SORCS3: variants seen among roughly 807,000 people sequenced by gnomAD.
The protein encoded by SORCS3 is sortilin related VPS10 domain containing receptor 3, also known as VPS10 domain-containing receptor SorCS3.
A neutral mutation model predicts 146.3 loss-of-function variants in SORCS3; 57 were observed. The observed-to-expected ratio is 0.39, with a 90% CI of 0.31 to 0.49. The LOEUF is 0.49. Ranked by LOEUF, SORCS3 falls within the 20% of genes least tolerant of loss-of-function variation. SORCS3 has a pLI of 0.92. For missense variants in SORCS3, 1,341 were observed against 1,575.5 expected (o/e 0.85, Z 2.52); for synonymous variants, 653 against 618.5 (o/e 1.06, Z -0.83).
intron 1 of SORCS3, among the ~76,000 whole-genome samples, chr10:104,754,761 C>T (rs955137134): frequency 6.6e-6 from 1 of 152,128 alleles, no homozygotes; most frequent in Admixed American, 6.5e-5. Flanking sequence ...GAAATCAGTC[C>T]CTGCTGGGGC....
intron 18 of SORCS3, 74 bp from the exon 19 acceptor site, chr10:105,216,862 G>C: frequency 6.8e-7 from 1 of 1,464,706 alleles, no homozygotes; most frequent in Non-Finnish European, 9.5e-7. Context: ...TGATGCTGAA[G>C]CAACAGGAGG....
intron 7 of SORCS3, among the ~76,000 whole-genome samples, chr10:105,107,709 CAA>C (rs975023568): frequency 6.6e-6 from 1 of 152,112 alleles, no homozygotes. Context: ...GTGAACACAA[CAA>C]AGTTTCTGCC....
At chr10:104,890,821 G>C (rs546148800) in intron 2 of SORCS3, among the ~76,000 whole-genome samples, 1 of 152,108 alleles carries the variant, frequency 6.6e-6, no homozygotes, top group Non-Finnish European at 1.5e-5. Flanking sequence ...CTTCAGTCAC[G>C]ACAATTAAAC....
intron 1 of SORCS3, among the ~76,000 whole-genome samples, chr10:104,742,825 A>G (rs2016864595): frequency 6.6e-6 from 1 of 152,168 alleles, no homozygotes; most frequent in African/African-American, 2.4e-5. Flanking sequence ...TCCATGTTCC[A>G]TTGGTTGGAA....
chr10:104,886,321 T>G (rs11599678), intron 2 of SORCS3, among the ~76,000 whole-genome samples: 1 of 151,866 alleles, frequency 6.6e-6, no homozygotes, highest in Non-Finnish European at 1.5e-5. Flanking sequence ...CTCTTATTTA[T>G]GTGGTGTTTC....
chr10:104,853,867 C>T (rs2018300625), intron 2 of SORCS3, among the ~76,000 whole-genome samples: 1 of 152,168 alleles, frequency 6.6e-6, no homozygotes. Flanking sequence ...AAGAGGCCAT[C>T]AGTTATTATG....
At chr10:104,678,334 C>T (rs772530373) in intron 1 of SORCS3, among the ~76,000 whole-genome samples, 6 of 152,056 alleles carry the variant, frequency 3.9e-5, no homozygotes, top group Non-Finnish European at 8.8e-5. Flanking sequence ...TAAGTGCGTT[C>T]CTATGTGTAA....
At chr10:105,214,696 C>G in intron 18 of SORCS3, 83 bp downstream of exon 18, 3 of 1,292,466 alleles carry the variant, frequency 2.3e-6, no homozygotes, top group Non-Finnish European at 3.1e-6. Context: ...TACATTCCCA[C>G]AGACCCCTGC....
intron 14 of SORCS3, among the ~76,000 whole-genome samples, chr10:105,194,351 G>A (rs2056533245): frequency 6.6e-6 from 1 of 152,092 alleles, no homozygotes; most frequent in South Asian, 2.1e-4. Context: ...GATGATGATG[G>A]TAATAAACAT....
At chr10:104,891,703 C>T (rs967311595) in intron 2 of SORCS3, among the ~76,000 whole-genome samples, 3 of 152,134 alleles carry the variant, frequency 2.0e-5, no homozygotes, top group African/African-American at 7.2e-5. Flanking sequence ...GTTACTCCCT[C>T]TTGTCCAGAA....
intron 16 of SORCS3, among the ~76,000 whole-genome samples, chr10:105,202,997 G>A (rs1274548299): frequency 2.0e-5 from 3 of 152,160 alleles, no homozygotes; most frequent in Non-Finnish European, 2.9e-5. Context: ...AAGTCCAAGT[G>A]GGCACAGAGC....
intron 20 of SORCS3, among the ~76,000 whole-genome samples, chr10:105,243,359 A>G (rs2056847996): frequency 6.6e-6 from 1 of 152,104 alleles, no homozygotes; most frequent in Non-Finnish European, 1.5e-5. Flanking sequence ...ACAGTAACAG[A>G]GTGAGTTTCA....
intron 1 of SORCS3, among the ~76,000 whole-genome samples, chr10:104,832,247 A>G (rs2018008807): frequency 2.0e-5 from 3 of 152,202 alleles, no homozygotes; most frequent in Admixed American, 2.0e-4. Context: ...GCATAATAAT[A>G]ATAATAGGTT....
Position 104,796,665 on chromosome 10 carries a change from G to A in SORCS3, c.628-46127G>A, listed in dbSNP as rs142979343. On this transcript the variant is annotated intron_variant, in intron 1 of 26. Coordinates refer to ENST00000369701, the MANE Select transcript of SORCS3 (RefSeq NM_014978.3). ...AAAAAAGAATAGCCAATTTAAATAA[G>A]TACATCAAATTTAGTATACATGTTA... Among the ~76,000 whole-genome samples the A allele has an allele frequency of 3.3e-3, 501 of 152,244 alleles. 2 individuals are homozygous for A. The highest frequency in any genetic ancestry group is 0.012 in the African/African-American group (482 of 41,540).
chr10:105,045,961 T>C (rs1371058328), intron 5 of SORCS3, among the ~76,000 whole-genome samples: 4 of 152,132 alleles, frequency 2.6e-5, no homozygotes, highest in Non-Finnish European at 5.9e-5. Context: ...ATGGGTCTGA[T>C]TTATTGCCAA....
chr10:104,818,811 A>G (rs533007446), intron 1 of SORCS3, among the ~76,000 whole-genome samples: 4 of 152,074 alleles, frequency 2.6e-5, no homozygotes, highest in East Asian at 3.9e-4. Flanking sequence ...AACTTGAACC[A>G]TGCCTGCTTC....
intron 4 of SORCS3, among the ~76,000 whole-genome samples, chr10:105,021,468 A>C (rs2055197095): frequency 6.6e-6 from 1 of 152,190 alleles, no homozygotes; most frequent in Non-Finnish European, 1.5e-5. Flanking sequence ...CATAGCATAA[A>C]CTAAAATGTT....
chr10:104,788,826 G>A (rs1374890563), intron 1 of SORCS3, among the ~76,000 whole-genome samples: 5 of 152,194 alleles, frequency 3.3e-5, no homozygotes, highest in Non-Finnish European at 7.3e-5. Context: ...CACTGCTAAT[G>A]ATAAGTAAGA....
chr10:104,731,212 G>A (rs1189430463), intron 1 of SORCS3, among the ~76,000 whole-genome samples: 1 of 152,202 alleles, frequency 6.6e-6, no homozygotes, highest in African/African-American at 2.4e-5. Flanking sequence ...GAGCTTTTGA[G>A]AAACACCATC....
Sources: allele counts gnomAD v4.1 joint callset (sites outside exome capture counted in the v4.1 genomes callset), GRCh38; gene constraint gnomAD v4.1.1; transcripts MANE v1.5; gene names NCBI Gene and HGNC (gene_info 2026-07-23, HGNC 2026-07-21).